The following RARS1 variants were observed in gnomAD, a reference collection of about 807,000 sequenced individuals.
RARS1 encodes the protein arginyl-tRNA synthetase 1, also known as arginine--tRNA ligase, cytoplasmic.
Under a neutral mutation model 78.7 loss-of-function variants are expected in RARS1, and 75 were observed. That is an observed-to-expected ratio of 0.95 (90% CI 0.79 to 1.15). The LOEUF is 1.15. Ranked by LOEUF, RARS1 falls within the 50% of genes most tolerant of loss-of-function variation. The pLI is 0.00. For synonymous variants in RARS1, 273 were observed against 268.2 expected (o/e 1.02, Z -0.18); for missense variants, 787 against 787.5 (o/e 1.00, Z 0.01).
At chr5:168,503,031 C>G (rs1355187762) in intron 9 of RARS1, among the ~76,000 whole-genome samples, 2 of 152,196 alleles carry the variant, frequency 1.3e-5, no homozygotes. Flanking sequence ...CTGTGTTTCT[C>G]TAAAGAGGCT....
At position 168,495,377 on chromosome 5, in the gene RARS1, A is replaced by C; in HGVS notation, c.642A>C (p.Ser214=). 6.2e-7 allele frequency: 1 copy of C among 1,614,086 alleles called. No individual in the cohort carries two copies. Among genetic ancestry groups the C allele is most frequent in the Non-Finnish European group, 8.5e-7 (1 of 1,179,972 alleles). The change falls in exon 6 of 15, where the codon TCA becomes TCC. Residue 214 remains serine (S), a synonymous_variant. Transcript: ENST00000231572. ...AGATGCATGTAGGCCACCTGAGGTCAACTATCATAGGAGAGAGTATAAGCC... is the reference window on the plus strand; with the variant it reads ...AGATGCATGTAGGCCACCTGAGGTCCACTATCATAGGAGAGAGTATAAGCC... ...AKEMHVGHLR[S]TIIGESISRL... is the part of the protein sequence containing the mutation.
Position 168,495,471 on chromosome 5 carries a change from C to T in RARS1, c.701+35C>T, listed in dbSNP as rs764902216. 9 of 1,585,786 alleles carry T rather than the reference C, an allele frequency of 5.7e-6. 1 individual carries two copies. In the Admixed American group the frequency reaches 1.2e-4, roughly 21 times the overall value. On this transcript the variant is annotated intron_variant, in intron 6 of 14. Coordinates refer to ENST00000231572, the MANE Select transcript of RARS1 (RefSeq NM_002887.4). ...CTTGCCTTGCGTACTATTCTCTTTC[C>T]TTATTTTCTTGTTTGGAAAATTCTA...
chr5:168,519,127 A>G lies in RARS1; in HGVS notation c.1920A>G (p.Ala640=). The change falls in exon 15 of 15, where the codon GCA becomes GCG. Residue 640 remains alanine, a synonymous_variant. Coordinates refer to ENST00000231572, the MANE Select transcript of RARS1 (RefSeq NM_002887.4). ...VNMWRMLLCE[A]VAAVMAKGFD... is the part of the protein sequence containing the mutation. ...TGTGGCGTATGCTGCTATGTGAAGC[A>G]GTAGCTGCTGTCATGGCCAAGGGGT... The G allele has an allele frequency of 6.2e-7, 1 of 1,614,180 alleles. No homozygotes were observed. Among genetic ancestry groups the G allele is most frequent in the Non-Finnish European group, 8.5e-7 (1 of 1,180,010 alleles).
rs953214721 is a variant in RARS1 at position 168,517,133 on chromosome 5, G to C, written c.1625+183G>C. ...CACCATTACACCTGACTTCTAAAGT[G>C]TTTTTTTTTGTTTGTTTGTTTATTT... On this transcript the variant is annotated intron_variant, in intron 13 of 14. Transcript: ENST00000231572. Among the ~76,000 whole-genome samples the C allele has an allele frequency of 3.3e-5, 5 of 150,212 alleles. No homozygotes were observed. In the South Asian group the frequency reaches 1.1e-3, roughly 32 times the overall value.
At chr5:168,517,211 C>T (rs1045206036) in intron 13 of RARS1, among the ~76,000 whole-genome samples, 3 of 152,000 alleles carry the variant, frequency 2.0e-5, no homozygotes, top group Admixed American at 6.5e-5. Flanking sequence ...GGCGCGATCT[C>T]GGCTCACTGC....
At chr5:168,494,403 C>A (rs571612389) in intron 4 of RARS1, 147 bp from the exon 5 acceptor site, 6 of 1,455,850 alleles carry the variant, frequency 4.1e-6, no homozygotes, top group South Asian at 2.9e-5. Flanking sequence ...CAGGAGCTTA[C>A]AAGACAGCTT....
intron 8 of RARS1, among the ~76,000 whole-genome samples, chr5:168,500,976 C>G (rs183058597): frequency 9.2e-5 from 14 of 152,148 alleles, no homozygotes; most frequent in Admixed American, 9.2e-4. Flanking sequence ...AAATCTTATT[C>G]ACAGTAGCAA....
chr5:168,499,507 G>A (rs1758273465), intron 7 of RARS1, among the ~76,000 whole-genome samples: 1 of 152,114 alleles, frequency 6.6e-6, no homozygotes, highest in Admixed American at 6.6e-5. Flanking sequence ...AAACATTTGT[G>A]GGGATTTTGT....
intron 12 of RARS1, among the ~76,000 whole-genome samples, chr5:168,513,347 T>A (rs547113167): frequency 4.6e-5 from 7 of 151,374 alleles, no homozygotes; most frequent in African/African-American, 1.5e-4. Flanking sequence ...TAAGACAGAA[T>A]CTCACTCTGT....
intron 7 of RARS1, chr5:168,497,995 A>C (rs2152904264): frequency 6.6e-6 from 1 of 152,294 alleles, no homozygotes; most frequent in East Asian, 1.9e-4. Context: ...GGAGAGGCTG[A>C]GGCAAGCCGA....
In RARS1 at chr5:168,506,116, GA is replaced by G. The variant is rs1182674125; in HGVS notation, c.1154del (p.Asp385ValfsTer19). ...IVKSDGGYTY[D>X]TSDLAAIKQR... ...AAAATCAGATGGAGGTTATACCTATGATACATCTGACCTGGCTGCTATTAAA... is the reference window on the plus strand; with the variant it reads ...AAAATCAGATGGAGGTTATACCTATGTACATCTGACCTGGCTGCTATTAAA... On this transcript the variant is annotated frameshift_variant, in exon 10 of 15. Coordinates refer to ENST00000231572, the MANE Select transcript of RARS1 (RefSeq NM_002887.4). LOFTEE classifies it high-confidence loss of function. 5 of 1,602,656 alleles carry G rather than the reference GA, an allele frequency of 3.1e-6. No individual in the cohort carries two copies. In the African/African-American group the frequency reaches 4.0e-5, roughly 13 times the overall value.
chr5:168,501,962 T>TA (rs1265027729), intron 8 of RARS1, 39 bp from the exon 9 acceptor site: 4 of 1,565,596 alleles, frequency 2.6e-6, no homozygotes. Context: ...AAAAAATTCT[T>TA]ATGCATTTTA....
intron 7 of RARS1, among the ~76,000 whole-genome samples, chr5:168,498,390 CAA>C (rs1430264665): frequency 5.3e-5 from 8 of 152,120 alleles, no homozygotes; most frequent in South Asian, 2.1e-4. Context: ...ATTTTAAAGA[CAA>C]ATTTTCACAT....
chr5:168,494,056 G>A, intron 4 of RARS1, 54 bp downstream of exon 4: 1 of 1,471,952 alleles, frequency 6.8e-7, no homozygotes, highest in Non-Finnish European at 9.4e-7. Context: ...AGTCCTTTTT[G>A]AAGTTAAAAA....
At chr5:168,500,210 A>C (rs1182037224) in intron 7 of RARS1, among the ~76,000 whole-genome samples, 2 of 151,356 alleles carry the variant, frequency 1.3e-5, no homozygotes, top group Non-Finnish European at 2.9e-5. Context: ...CAAAAAAAAA[A>C]AAAAAAAAAA....
intron 12 of RARS1, among the ~76,000 whole-genome samples, chr5:168,511,369 A>C (rs1259881139): frequency 6.6e-6 from 1 of 151,950 alleles, no homozygotes; most frequent in African/African-American, 2.4e-5. Context: ...TCATGGGGGA[A>C]GATGAAGGGG....
At chr5:168,501,939 G>A in intron 8 of RARS1, 62 bp from the exon 9 acceptor site, 1 of 1,545,784 alleles carries the variant, frequency 6.5e-7, no homozygotes, top group Non-Finnish European at 8.7e-7. Flanking sequence ...TAAGATGCAT[G>A]TTTCCTGTTT....
intron 9 of RARS1, among the ~76,000 whole-genome samples, chr5:168,502,455 C>T (rs1449669566): frequency 6.7e-6 from 1 of 149,074 alleles, no homozygotes; most frequent in Non-Finnish European, 1.5e-5. Context: ...AAGTGATCCT[C>T]CCACCTCGGC....
At position 168,517,947 on chromosome 5, in the gene RARS1, A is replaced by G. The variant is rs1301703464; in HGVS notation, c.1758A>G (p.Gln586=). 5.0e-6 allele frequency: 8 copies of G among 1,613,936 alleles called. No individual in the cohort carries two copies. Among genetic ancestry groups the G allele is most frequent in the Non-Finnish European group, 6.8e-6 (8 of 1,180,018 alleles). Residue 586 remains glutamine, a synonymous_variant, in exon 14 of 15, where the codon CAA becomes CAG. Transcript: ENST00000231572. ...TTTTACGGTTCCCTGAGATTCTGCAAAAGATTTTAGATGACTTATTTCTCC... is the reference window on the plus strand; with the variant it reads ...TTTTACGGTTCCCTGAGATTCTGCAGAAGATTTTAGATGACTTATTTCTCC... The part of the protein sequence containing the change: ...RCILRFPEIL[Q]KILDDLFLHT...
Sources: gnomAD v4.1 joint callset for allele counts (sites outside exome capture counted in the v4.1 genomes callset) on GRCh38, gnomAD v4.1.1 for gene constraint, MANE v1.5 for transcripts, NCBI Gene and HGNC (gene_info 2026-07-23, HGNC 2026-07-21) for gene names.